SLTM: variants seen among roughly 807,000 people sequenced by gnomAD.
The protein encoded by SLTM is SAFB-like transcription modulator.
A neutral mutation model predicts 134.6 loss-of-function variants in SLTM; 43 were observed. That is an observed-to-expected ratio of 0.32 (90% CI 0.25 to 0.41). The LOEUF is 0.41. Among genes scored for constraint, SLTM ranks in the 10% least tolerant of loss-of-function variants. The pLI is 1.00. For missense variants in SLTM, 1,055 were observed against 1,288.8 expected (o/e 0.82, Z 2.78); for synonymous variants, 424 against 432.3 (o/e 0.98, Z 0.24).
chr15:58,932,353 A>C lies in SLTM; in HGVS notation c.250+3T>G. On this transcript the variant is annotated splice_donor_region_variant and intron_variant, in intron 2 of 20. Transcript: ENST00000380516. Reference sequence around the variant, plus strand: ...TTAAAACATGTTCATAACTCGTAACAACCTTTGCCTTTAGTTGGTTTCTTG... The same window carrying C: ...TTAAAACATGTTCATAACTCGTAACCACCTTTGCCTTTAGTTGGTTTCTTG... 6.2e-7 allele frequency: 1 copy of C among 1,607,108 alleles called. No homozygotes were observed. The highest frequency in any genetic ancestry group is 8.5e-7 in the Non-Finnish European group (1 of 1,173,656).
intron 3 of SLTM, 154 bp from the exon 4 acceptor site, chr15:58,913,850 G>A: frequency 1.7e-6 from 1 of 584,316 alleles, no homozygotes; most frequent in East Asian, 2.9e-5. Flanking sequence ...TATTTACTGT[G>A]TCTTTAAAAA....
chr15:58,918,608 C>T (rs1364864391), intron 2 of SLTM, among the ~76,000 whole-genome samples: 1 of 152,166 alleles, frequency 6.6e-6, no homozygotes, highest in African/African-American at 2.4e-5. Context: ...AAGTGTGGCG[C>T]TTGGTGTTGT....
At chr15:58,887,636 C>A in intron 17 of SLTM, 96 bp from the exon 18 acceptor site, 3 of 1,497,068 alleles carry the variant, frequency 2.0e-6, no homozygotes, top group African/African-American at 1.4e-5. Flanking sequence ...ATAATGAAAC[C>A]AAAAAATGAA....
intron 19 of SLTM, among the ~76,000 whole-genome samples, chr15:58,884,099 CAAA>C (rs751356628): frequency 4.3e-5 from 5 of 115,054 alleles, no homozygotes; most frequent in Admixed American, 9.1e-5. Flanking sequence ...AACCCCATCT[CAAA>C]AAAAAAAAAA....
intron 2 of SLTM, among the ~76,000 whole-genome samples, chr15:58,927,688 C>G (rs2037578322): frequency 6.6e-6 from 1 of 152,198 alleles, no homozygotes; most frequent in South Asian, 2.1e-4. Flanking sequence ...ATTACAGAGA[C>G]AGAGGTAAAT....
At chr15:58,898,338 TA>T (rs1170750718) in intron 8 of SLTM, 1 of 152,448 alleles carries the variant, frequency 6.6e-6, no homozygotes, top group Non-Finnish European at 1.5e-5. Context: ...AGAAAGCAAC[TA>T]AATATTGCAC....
At position 58,899,425 on chromosome 15, in the gene SLTM, T is replaced by C; in HGVS notation, c.1058+44A>G. 1.3e-6 allele frequency: 2 copies of C among 1,502,274 alleles called. No homozygotes were observed. The highest frequency in any genetic ancestry group is 1.8e-6 in the Non-Finnish European group (2 of 1,082,008). 93.1% of individuals were successfully genotyped at this position (1,502,274 alleles called of 1,614,324 possible). A position where few individuals can be genotyped will look rare whatever the true frequency, so the allele number is the denominator to read the frequency against. On this transcript the variant is annotated intron_variant, in intron 7 of 20. Coordinates refer to ENST00000380516, the MANE Select transcript of SLTM (RefSeq NM_024755.4). The surrounding 1 kb of genome is among the most constrained non-coding windows in gnomAD (Gnocchi z 5.0). ...CTTAATGTAGAGTGATCTTATTGAA[T>C]GCTGGAATTCAGTATCGTAAAGAAC...
intron 9 of SLTM, among the ~76,000 whole-genome samples, chr15:58,896,246 A>G (rs16940900): frequency 0.011 from 1,727 of 152,230 alleles, 34 homozygotes; most frequent in African/African-American, 0.04. Flanking sequence ...CACAAGACTT[A>G]TAACAACTTC....
intron 2 of SLTM, among the ~76,000 whole-genome samples, chr15:58,924,852 T>TA (rs1173303456): frequency 2.0e-5 from 3 of 152,194 alleles, no homozygotes; most frequent in African/African-American, 7.2e-5. Flanking sequence ...GACAAGGTCT[T>TA]GCTCTATCGC....
intron 5 of SLTM, among the ~76,000 whole-genome samples, chr15:58,908,806 C>T (rs1331486099): frequency 1.3e-5 from 2 of 152,116 alleles, no homozygotes; most frequent in African/African-American, 4.8e-5. Flanking sequence ...GAGGGAAACA[C>T]CCTTGCAAAA....
intron 19 of SLTM, 24 bp from the exon 20 acceptor site, chr15:58,883,810 T>A: frequency 6.2e-7 from 1 of 1,611,112 alleles, no homozygotes; most frequent in Non-Finnish European, 8.5e-7. Flanking sequence ...ATATGAAAAG[T>A]CACTTGGCCG....
intron 5 of SLTM, among the ~76,000 whole-genome samples, chr15:58,912,106 T>G (rs1198238232): frequency 6.6e-6 from 1 of 151,328 alleles, no homozygotes; most frequent in Non-Finnish European, 1.5e-5. Flanking sequence ...AATAGTTTTT[T>G]TTTTTTTTTT....
rs762457367 is a variant in SLTM, at chr15:58,879,906, C to A, written c.*93G>T. 4 of 1,426,768 alleles carry A rather than the reference C, an allele frequency of 2.8e-6. No homozygotes were observed. Among genetic ancestry groups the A allele is most frequent in the Non-Finnish European group, 3.7e-6 (4 of 1,071,170 alleles). 88.4% of individuals were successfully genotyped at this position (1,426,768 alleles called of 1,614,324 possible). On this transcript the variant is annotated 3_prime_UTR_variant, in exon 21 of 21. Coordinates refer to ENST00000380516, the MANE Select transcript of SLTM (RefSeq NM_024755.4). ...AAAAAGAAAAGTCTGACAGAACTCT[C>A]AAGCAAGTCAGAGGTCCTCTTCATA...
intron 3 of SLTM, among the ~76,000 whole-genome samples, chr15:58,914,734 A>G (rs545784631): frequency 1.3e-5 from 2 of 152,356 alleles, no homozygotes; most frequent in South Asian, 4.1e-4. Context: ...TTTCTATACT[A>G]TTCTGGTATT....
At chr15:58,889,325 A>C in intron 16 of SLTM, 105 bp downstream of exon 16, 1 of 1,427,084 alleles carries the variant, frequency 7.0e-7, no homozygotes, top group Non-Finnish European at 9.6e-7. Context: ...GTTGATCATG[A>C]CTTTTATTCC....
chr15:58,888,675 A>G, intron 16 of SLTM, 120 bp from the exon 17 acceptor site: 1 of 859,488 alleles, frequency 1.2e-6, no homozygotes, highest in Non-Finnish European at 1.7e-6. Context: ...AGTAAACTCA[A>G]GACATAACAC....
chr15:58,886,100 T>C (rs946378934), intron 19 of SLTM, among the ~76,000 whole-genome samples: 20 of 152,056 alleles, frequency 1.3e-4, no homozygotes, highest in African/African-American at 4.8e-4. Flanking sequence ...AGAGTAAAAA[T>C]TTAAAAATAT....
At chr15:58,931,824 A>AT (rs1412032127) in intron 2 of SLTM, among the ~76,000 whole-genome samples, 3 of 152,160 alleles carry the variant, frequency 2.0e-5, no homozygotes, top group South Asian at 2.1e-4. Flanking sequence ...TTAATCATGG[A>AT]TTTTTCCCTC....
chr15:58,923,903 C>T (rs1190903011), intron 2 of SLTM, among the ~76,000 whole-genome samples: 2 of 143,220 alleles, frequency 1.4e-5, no homozygotes, highest in Admixed American at 7.7e-5. Flanking sequence ...CAACCTCTGC[C>T]TTCCGAGTTC....
Sources: gnomAD v4.1 joint callset for allele counts (sites outside exome capture counted in the v4.1 genomes callset) on GRCh38, gnomAD v4.1.1 for gene constraint, Gnocchi (gnomAD v3.1) non-coding constraint, MANE v1.5 for transcripts, NCBI Gene and HGNC (gene_info 2026-07-23, HGNC 2026-07-21) for gene names.